BMPR2: variants seen among roughly 807,000 people sequenced by gnomAD.
BMPR2 encodes bone morphogenetic protein receptor type 2.
Under a neutral mutation model 100.8 loss-of-function variants are expected in BMPR2, and 29 were observed. The ratio of observed to expected loss-of-function variants is 0.29; its 90% confidence interval spans 0.21 to 0.39. The LOEUF is 0.39. BMPR2 is among the 10% of genes least tolerant of loss of function. The pLI, the probability that BMPR2 is intolerant of heterozygous loss-of-function variation, is 1.00. For synonymous variants in BMPR2, 382 were observed against 442.3 expected (o/e 0.86, Z 1.71); for missense variants, 1,011 against 1,274.5 (o/e 0.79, Z 3.15).
chr2:202,476,083 A>T (rs1214013984), intron 3 of BMPR2, among the ~76,000 whole-genome samples: 6 of 71,866 alleles, frequency 8.3e-5, no homozygotes, highest in Admixed American at 2.8e-4. Flanking sequence ...TCAAGGTTAA[A>T]AAAAAAAAAA....
At chr2:202,556,768 G>A (rs781713023) in intron 12 of BMPR2, among the ~76,000 whole-genome samples, 1 of 152,034 alleles carries the variant, frequency 6.6e-6, no homozygotes, top group African/African-American at 2.4e-5. Flanking sequence ...CCAACATGGC[G>A]AAACCCCATC....
intron 10 of BMPR2, among the ~76,000 whole-genome samples, chr2:202,549,932 G>A (rs1574503743): frequency 6.6e-6 from 1 of 151,952 alleles, no homozygotes; most frequent in Non-Finnish European, 1.5e-5. Context: ...GGAGTACAGA[G>A]TCTCATTGTA....
intron 1 of BMPR2, among the ~76,000 whole-genome samples, chr2:202,449,107 G>A (rs1691921305): frequency 6.6e-6 from 1 of 151,764 alleles, no homozygotes; most frequent in Admixed American, 6.6e-5. Context: ...TCGGGAGTTC[G>A]AGACCAGCCT....
In BMPR2 at chr2:202,394,368, TAATA is replaced by T. The variant is rs553106396; in HGVS notation, c.76+16820_76+16823del. On this transcript the variant is annotated intron_variant, in intron 1 of 12. Transcript: ENST00000374580. ...CAACGTCTCAAAAAAAAAAAAGTAA[TAATA>T]ATAATAATAATATTTCCCCCAAAAT... is the stretch of plus-strand genomic sequence containing the variant. 7.3e-5 allele frequency among the ~76,000 whole-genome samples: 11 copies of T among 150,438 alleles called. No homozygotes were observed. In the East Asian group the frequency reaches 1.9e-3, roughly 27 times the overall value.
chr2:202,532,470 G>A lies in BMPR2; in HGVS notation c.1129-115G>A. 1 of 1,300,382 alleles carries A rather than the reference G, an allele frequency of 7.7e-7. No individual in the cohort carries two copies. Among genetic ancestry groups the A allele is most frequent in the Middle Eastern group, 1.8e-4 (1 of 5,484 alleles). 80.6% of individuals were successfully genotyped at this position (1,300,382 alleles called of 1,614,324 possible). The stretch of plus-strand genomic sequence containing the variant: ...AGTTATAGAAAGGTTTAATGACATG[G>A]TTAGGGTCAAATAACATTGACATGA... On this transcript the variant is annotated intron_variant, in intron 8 of 12. Coordinates refer to ENST00000374580, the MANE Select transcript of BMPR2 (RefSeq NM_001204.7). The surrounding 1 kb of genome is among the most constrained non-coding windows in gnomAD (Gnocchi z 4.1).
In BMPR2 at chr2:202,390,720, T is replaced by C. The variant is rs1187919066; in HGVS notation, c.76+13170T>C. Among the ~76,000 whole-genome samples the C allele has an allele frequency of 2.6e-5, 4 of 152,180 alleles. No individual in the cohort carries two copies. In the East Asian group the frequency reaches 7.7e-4, roughly 29 times the overall value. Reference sequence around the variant, plus strand: ...CCAGAGCAAAATAAATGATATCTTGTTGGTTTAGAGTCCTTTAATTATTAG... The same window carrying C: ...CCAGAGCAAAATAAATGATATCTTGCTGGTTTAGAGTCCTTTAATTATTAG... On this transcript the variant is annotated intron_variant, in intron 1 of 12. Transcript: ENST00000374580.
intron 6 of BMPR2, among the ~76,000 whole-genome samples, chr2:202,519,658 C>A (rs1412440298): frequency 6.6e-6 from 1 of 152,144 alleles, no homozygotes; most frequent in Non-Finnish European, 1.5e-5. Context: ...TTCTCATCAG[C>A]AACTGGTAAT....
At chr2:202,479,357 A>G (rs914393384) in intron 3 of BMPR2, among the ~76,000 whole-genome samples, 16 of 152,178 alleles carry the variant, frequency 1.1e-4, no homozygotes, top group African/African-American at 3.6e-4. Flanking sequence ...TGACTATGGC[A>G]CCAGCCTACA....
At chr2:202,448,876 T>C (rs971976350) in intron 1 of BMPR2, among the ~76,000 whole-genome samples, 4 of 151,994 alleles carry the variant, frequency 2.6e-5, no homozygotes, top group Admixed American at 2.6e-4. Context: ...GAACAATATA[T>C]CTTATTGCTG....
chr2:202,468,584 G>A (rs1358688311), intron 3 of BMPR2, among the ~76,000 whole-genome samples: 1 of 152,154 alleles, frequency 6.6e-6, no homozygotes, highest in Non-Finnish European at 1.5e-5. Context: ...AATTTATCTG[G>A]AAGATACATC....
At chr2:202,482,625 G>A (rs373487711) in intron 3 of BMPR2, among the ~76,000 whole-genome samples, 2 of 148,876 alleles carry the variant, frequency 1.3e-5, no homozygotes, top group African/African-American at 2.5e-5. Context: ...TGCAACCTCC[G>A]CCTCCCAGGT....
intron 3 of BMPR2, among the ~76,000 whole-genome samples, chr2:202,491,288 C>G (rs1364309590): frequency 6.6e-6 from 1 of 152,130 alleles, no homozygotes; most frequent in African/African-American, 2.4e-5. Context: ...AACTGCTGGG[C>G]TTAAGTGATC....
intron 1 of BMPR2, among the ~76,000 whole-genome samples, chr2:202,449,806 A>G (rs1387263561): frequency 2.0e-5 from 3 of 152,196 alleles, no homozygotes; most frequent in Admixed American, 1.3e-4. Context: ...GTAATATATT[A>G]TAGCCTTGAG....
chr2:202,412,350 ACT>A, intron 1 of BMPR2, among the ~76,000 whole-genome samples: 1 of 152,218 alleles, frequency 6.6e-6, no homozygotes, highest in East Asian at 1.9e-4. Flanking sequence ...ATGGAGTCTC[ACT>A]CTGTCGCCCA....
chr2:202,524,221 G>T (rs1056722458), intron 7 of BMPR2, among the ~76,000 whole-genome samples: 1 of 151,994 alleles, frequency 6.6e-6, no homozygotes, highest in Admixed American at 6.5e-5. Flanking sequence ...AATTAGTCGG[G>T]TGTGGTGGTG....
intron 1 of BMPR2, among the ~76,000 whole-genome samples, chr2:202,385,170 G>T (rs1480481249): frequency 6.6e-6 from 1 of 151,616 alleles, no homozygotes; most frequent in Non-Finnish European, 1.5e-5. Flanking sequence ...TCTGTGTTCA[G>T]TCTTTGCTTT....
At chr2:202,448,748 G>A (rs1012335942) in intron 1 of BMPR2, among the ~76,000 whole-genome samples, 1 of 151,750 alleles carries the variant, frequency 6.6e-6, no homozygotes, top group African/African-American at 2.4e-5. Flanking sequence ...GAGCCACCGC[G>A]CCCGGCCTCT....
rs370523041 is a variant in BMPR2, at chr2:202,427,744, G to A, written c.77-37065G>A. Among the ~76,000 whole-genome samples, 24 of 152,216 alleles carry A rather than the reference G, an allele frequency of 1.6e-4. 1 individual carries two copies. The East Asian group carries it at 4.1e-3, about 26-fold the overall frequency. On this transcript the variant is annotated intron_variant, in intron 1 of 12. Coordinates refer to ENST00000374580, the MANE Select transcript of BMPR2 (RefSeq NM_001204.7). ...TGTAATCTCAGCACTTTGGGAGGCC[G>A]AGGTGGGTGGATTGCTTGAGCTCAG...
intron 3 of BMPR2, among the ~76,000 whole-genome samples, chr2:202,477,292 C>T (rs192144351): frequency 6.6e-6 from 1 of 152,182 alleles, no homozygotes; most frequent in East Asian, 1.9e-4. Flanking sequence ...TACAAACATC[C>T]TCCCCCATAT....
Sources: allele counts gnomAD v4.1 joint callset (sites outside exome capture counted in the v4.1 genomes callset), GRCh38; gene constraint gnomAD v4.1.1; non-coding constraint Gnocchi (gnomAD v3.1); transcripts MANE v1.5; gene names NCBI Gene and HGNC (gene_info 2026-07-23, HGNC 2026-07-21).